The following TMEM196 variants were observed in gnomAD, a reference collection of about 807,000 sequenced individuals.
TMEM196 encodes transmembrane protein 196.
Under a neutral mutation model 20.0 loss-of-function variants are expected in TMEM196, and 17 were observed. The ratio of observed to expected loss-of-function variants is 0.85; its 90% CI spans 0.58 to 1.27. The LOEUF (loss-of-function observed/expected upper bound fraction) is 1.27. Ranked by LOEUF, TMEM196 falls within the 50% of genes most tolerant of loss-of-function variation. The pLI is 0.00. For synonymous variants in TMEM196, 113 were observed against 88.9 expected (o/e 1.27, Z -1.52); for missense variants, 267 against 223.0 (o/e 1.20, Z -1.26).
chr7:19,761,337 T>C (rs776477041), intron 1 of TMEM196, among the ~76,000 whole-genome samples: 76 of 152,234 alleles, frequency 5.0e-4, no homozygotes, highest in Non-Finnish European at 1.0e-3. Context: ...TAAACTGTAA[T>C]GAAGGACTGA....
intron 1 of TMEM196, among the ~76,000 whole-genome samples, chr7:19,758,237 A>G (rs952322084): frequency 1.2e-4 from 18 of 152,304 alleles, no homozygotes; most frequent in African/African-American, 4.3e-4. Context: ...AGCTTCTAAA[A>G]ATTAGCTTCC....
chr7:19,763,610 C>G (rs1418984026), intron 1 of TMEM196, among the ~76,000 whole-genome samples: 1 of 152,110 alleles, frequency 6.6e-6, no homozygotes, highest in Non-Finnish European at 1.5e-5. Flanking sequence ...TAAATGTTAG[C>G]AAGCCTAGAG....
intron 1 of TMEM196, among the ~76,000 whole-genome samples, chr7:19,760,939 T>C (rs951667260): frequency 3.3e-5 from 5 of 152,198 alleles, no homozygotes; most frequent in Non-Finnish European, 7.3e-5. Context: ...CAGAGCTTTC[T>C]TCCACACCAC....
At chr7:19,748,645 A>T (rs1464359608) in intron 1 of TMEM196, among the ~76,000 whole-genome samples, 1 of 152,186 alleles carries the variant, frequency 6.6e-6, no homozygotes, top group Non-Finnish European at 1.5e-5. Context: ...TTCAGGAGGG[A>T]ATATCAAAAT....
chr7:19,725,828 T>C, intron 2 of TMEM196, 60 bp from the exon 3 acceptor site: 1 of 1,515,086 alleles, frequency 6.6e-7, no homozygotes, highest in Non-Finnish European at 8.9e-7. Context: ...CAGAACACAG[T>C]TGCCCTGTCC....
At chr7:19,769,088 C>T (rs1785755549) in intron 1 of TMEM196, among the ~76,000 whole-genome samples, 1 of 152,094 alleles carries the variant, frequency 6.6e-6, no homozygotes, top group Non-Finnish European at 1.5e-5. Context: ...ATTCAGCAAT[C>T]TTATAGTAAT....
intron 1 of TMEM196, among the ~76,000 whole-genome samples, chr7:19,753,534 T>A (rs935765020): frequency 1.3e-5 from 2 of 152,312 alleles, no homozygotes; most frequent in Middle Eastern, 6.8e-3. Context: ...TCTATAATTT[T>A]TCACGTAATT....
At chr7:19,737,585 A>G (rs1452416451) in intron 1 of TMEM196, among the ~76,000 whole-genome samples, 1 of 152,038 alleles carries the variant, frequency 6.6e-6, no homozygotes, top group Non-Finnish European at 1.5e-5. Context: ...GATATAAAAA[A>G]AGTGAGATAC....
intron 1 of TMEM196, among the ~76,000 whole-genome samples, chr7:19,750,834 A>G (rs893566112): frequency 1.3e-5 from 2 of 152,016 alleles, no homozygotes; most frequent in African/African-American, 4.8e-5. Flanking sequence ...ACAATCATAT[A>G]TTATATCTTT....
chr7:19,757,328 C>T (rs1452051997), intron 1 of TMEM196, among the ~76,000 whole-genome samples: 1 of 146,458 alleles, frequency 6.8e-6, no homozygotes, highest in South Asian at 2.2e-4. Flanking sequence ...TGCGTGTCAC[C>T]ACACCCAGCT....
intron 1 of TMEM196, among the ~76,000 whole-genome samples, chr7:19,760,352 C>CTTTTTTTTTTTTTTTT (rs55646735): frequency 1.1e-5 from 1 of 92,178 alleles, no homozygotes; most frequent in African/African-American, 4.6e-5. Flanking sequence ...ATATATTTTC[C>CTTTTTTTTTTTTTTTT]TTTTTTTTTT....
At chr7:19,756,034 TAA>T (rs35652330) in intron 1 of TMEM196, among the ~76,000 whole-genome samples, 51 of 139,566 alleles carry the variant, frequency 3.7e-4, no homozygotes, top group Middle Eastern at 3.9e-3. Flanking sequence ...AGACTCTATT[TAA>T]AAAAAAAAAA....
Position 19,721,937 on chromosome 7 carries a change from T to A in TMEM196, c.*191A>T. On this transcript the variant is annotated 3_prime_UTR_variant, in exon 5 of 5. Transcript: ENST00000405844. ...GGGTGGAGAAACCAGTGAGGCAATA[T>A]ATTTTTTAGGAAGAATAATTTTAGT... is the stretch of plus-strand genomic sequence containing the variant. The A allele has an allele frequency of 1.4e-6, 1 of 737,404 alleles. No individual in the cohort carries two copies. Among genetic ancestry groups the A allele is most frequent in the Non-Finnish European group, 2.2e-6 (1 of 463,370 alleles). The allele number at this position is 737,404 out of a possible 1,614,324, so 45.7% of individuals were successfully genotyped here.
chr7:19,758,804 G>C (rs148539697), intron 1 of TMEM196, among the ~76,000 whole-genome samples: 1 of 152,092 alleles, frequency 6.6e-6, no homozygotes. Context: ...TCCAAGACTC[G>C]TATCTGCATT....
intron 1 of TMEM196, among the ~76,000 whole-genome samples, chr7:19,733,726 A>G (rs1222160932): frequency 1.3e-5 from 2 of 151,950 alleles, no homozygotes; most frequent in Admixed American, 6.6e-5. Flanking sequence ...CTATGCCTAT[A>G]CGAAGTAGAG....
intron 1 of TMEM196, among the ~76,000 whole-genome samples, chr7:19,737,179 G>C (rs964793968): frequency 6.6e-6 from 1 of 151,908 alleles, no homozygotes; most frequent in African/African-American, 2.4e-5. Context: ...ACTGAACAAA[G>C]AAGATACACA....
chr7:19,747,729 A>G (rs1784812868), intron 1 of TMEM196, among the ~76,000 whole-genome samples: 1 of 152,224 alleles, frequency 6.6e-6, no homozygotes, highest in Admixed American at 6.5e-5. Context: ...TATTAGAACT[A>G]AACTTCAGTT....
chr7:19,750,271 TCTTA>T (rs1390593914), intron 1 of TMEM196, among the ~76,000 whole-genome samples: 5 of 152,328 alleles, frequency 3.3e-5, no homozygotes, highest in African/African-American at 9.6e-5. Flanking sequence ...GTGATGGATA[TCTTA>T]CTTAGTTTGA....
At chr7:19,751,205 G>T (rs1407041998) in intron 1 of TMEM196, among the ~76,000 whole-genome samples, 1 of 152,316 alleles carries the variant, frequency 6.6e-6, no homozygotes, top group East Asian at 1.9e-4. Flanking sequence ...ACAGCTAACA[G>T]AATGCAACTA....
Sources: allele counts gnomAD v4.1 joint callset (sites outside exome capture counted in the v4.1 genomes callset), GRCh38; gene constraint gnomAD v4.1.1; transcripts MANE v1.5; gene names NCBI Gene and HGNC (gene_info 2026-07-23, HGNC 2026-07-21).